Variants in TCF7L1 observed in about 807,000 individuals in gnomAD.
TCF7L1 encodes transcription factor 7-like 1.
TCF7L1 carries 18 observed loss-of-function variants against 63.7 expected under a neutral mutation model. That is an observed-to-expected ratio of 0.28 (90% CI 0.20 to 0.42). TCF7L1 has a LOEUF of 0.42. Among genes scored for constraint, TCF7L1 ranks in the 10% least tolerant of loss-of-function variants. The pLI is 1.00. For synonymous variants in TCF7L1, 355 were observed against 340.9 expected (o/e 1.04, Z -0.46); for missense variants, 654 against 779.3 (o/e 0.84, Z 1.91).
At chr2:85,202,153 G>A (rs1277380754) in intron 3 of TCF7L1, among the ~76,000 whole-genome samples, 1 of 151,912 alleles carries the variant, frequency 6.6e-6, no homozygotes, top group Non-Finnish European at 1.5e-5. Flanking sequence ...TAGTAGAGAT[G>A]GGGTTTCACC....
chr2:85,163,465 C>T (rs1466332508), intron 3 of TCF7L1, among the ~76,000 whole-genome samples: 2 of 152,110 alleles, frequency 1.3e-5, no homozygotes, highest in Admixed American at 6.5e-5. Flanking sequence ...CCCTCCTGCC[C>T]GACCAGAAGC....
Position 85,229,085 on chromosome 2 carries a change from G to T in TCF7L1, c.442-54410G>T, listed in dbSNP as rs112064117. On this transcript the variant is annotated intron_variant, in intron 3 of 11. Transcript: ENST00000282111. ...CCTTGGGCCAGGCGCGGTGGCTCACGCCTGTAATCCCAGCACTTTGGGAGG... is the reference window on the plus strand; with the variant it reads ...CCTTGGGCCAGGCGCGGTGGCTCACTCCTGTAATCCCAGCACTTTGGGAGG... Among the ~76,000 whole-genome samples, 484 of 150,928 alleles carry T rather than the reference G, an allele frequency of 3.2e-3. 4 individuals carry two copies. The highest frequency in any genetic ancestry group is 0.011 in the African/African-American group (467 of 40,966).
At chr2:85,168,378 G>A (rs115434695) in intron 3 of TCF7L1, among the ~76,000 whole-genome samples, 2,273 of 152,100 alleles carry the variant, frequency 0.015, 65 homozygotes, top group African/African-American at 0.048. Context: ...CAACAAAATT[G>A]TAAAAAACAA....
chr2:85,257,500 G>A (rs1379222029), intron 3 of TCF7L1, among the ~76,000 whole-genome samples: 1 of 152,172 alleles, frequency 6.6e-6, no homozygotes, highest in Non-Finnish European at 1.5e-5. Context: ...CCCCACCCAA[G>A]TTTGCCACTT....
chr2:85,298,837 A>G (rs1681895055), intron 4 of TCF7L1, among the ~76,000 whole-genome samples: 1 of 151,960 alleles, frequency 6.6e-6, no homozygotes, highest in Non-Finnish European at 1.5e-5. Flanking sequence ...GGGGCAGCTG[A>G]GGAGAGTAAT....
intron 3 of TCF7L1, among the ~76,000 whole-genome samples, chr2:85,168,552 G>T (rs531272941): frequency 6.6e-6 from 1 of 151,958 alleles, no homozygotes. Flanking sequence ...TCCACCCACC[G>T]CCTGGTAGAG....
At chr2:85,278,179 G>A (rs1239207370) in intron 3 of TCF7L1, among the ~76,000 whole-genome samples, 1 of 152,190 alleles carries the variant, frequency 6.6e-6, no homozygotes, top group Non-Finnish European at 1.5e-5. Context: ...TCTAGTGACA[G>A]CATCCTTCAG....
chr2:85,167,825 C>T (rs1678456307), intron 3 of TCF7L1, among the ~76,000 whole-genome samples: 1 of 152,146 alleles, frequency 6.6e-6, no homozygotes, highest in Non-Finnish European at 1.5e-5. Flanking sequence ...GATCCCACCA[C>T]TGTACTCCAG....
At chr2:85,215,856 G>A (rs913648638) in intron 3 of TCF7L1, among the ~76,000 whole-genome samples, 4 of 152,024 alleles carry the variant, frequency 2.6e-5, no homozygotes, top group Admixed American at 2.6e-4. Context: ...TTAAGGCCCT[G>A]TATACATTTC....
At chr2:85,298,893 CT>C (rs1480648836) in intron 4 of TCF7L1, among the ~76,000 whole-genome samples, 2 of 152,014 alleles carry the variant, frequency 1.3e-5, no homozygotes, top group Non-Finnish European at 2.9e-5. Context: ...GAGAACCTTC[CT>C]TCTAGGAGGC....
chr2:85,269,784 A>G (rs1242435124), intron 3 of TCF7L1, among the ~76,000 whole-genome samples: 3 of 152,210 alleles, frequency 2.0e-5, no homozygotes, highest in African/African-American at 7.2e-5. Flanking sequence ...CAATATGGAC[A>G]TAAAATCGTG....
chr2:85,140,093 G>A (rs1677688370), intron 3 of TCF7L1, among the ~76,000 whole-genome samples: 3 of 152,132 alleles, frequency 2.0e-5, no homozygotes, highest in Admixed American at 6.6e-5. Flanking sequence ...CTTTGGGGAG[G>A]GGAGGTACCA....
intron 3 of TCF7L1, among the ~76,000 whole-genome samples, chr2:85,260,504 G>A (rs1446195724): frequency 6.6e-6 from 1 of 151,986 alleles, no homozygotes; most frequent in Admixed American, 6.6e-5. Flanking sequence ...AGCAGGGCAT[G>A]GTGGTGCGTG....
intron 3 of TCF7L1, among the ~76,000 whole-genome samples, chr2:85,156,991 T>C (rs1678165492): frequency 6.6e-6 from 1 of 152,238 alleles, no homozygotes; most frequent in African/African-American, 2.4e-5. Flanking sequence ...TTACAATGCA[T>C]AGGATGGTTC....
intron 3 of TCF7L1, among the ~76,000 whole-genome samples, chr2:85,150,150 G>A (rs1677972931): frequency 6.6e-6 from 1 of 151,536 alleles, no homozygotes; most frequent in Admixed American, 6.6e-5. Flanking sequence ...GCTTTAGGAT[G>A]AGTTCAACAT....
At chr2:85,307,578 G>C in intron 10 of TCF7L1, 64 bp from the exon 11 acceptor site, 2 of 1,390,604 alleles carry the variant, frequency 1.4e-6, no homozygotes, top group South Asian at 1.2e-5. Context: ...TCTGATCTGG[G>C]AGCCCCTGAG....
At chr2:85,299,163 A>G (rs765522422) in intron 4 of TCF7L1, among the ~76,000 whole-genome samples, 2 of 151,828 alleles carry the variant, frequency 1.3e-5, no homozygotes, top group Non-Finnish European at 2.9e-5. Flanking sequence ...GTTTCTCCCC[A>G]GGCCAAATAC....
chr2:85,234,175 C>T (rs1487467626), intron 3 of TCF7L1, among the ~76,000 whole-genome samples: 4 of 114,056 alleles, frequency 3.5e-5, no homozygotes, highest in South Asian at 3.1e-4. Context: ...CTCGCTCTTT[C>T]GCCAGGCTGG....
intron 4 of TCF7L1, among the ~76,000 whole-genome samples, chr2:85,291,194 C>T (rs1274643815): frequency 6.6e-6 from 1 of 152,214 alleles, no homozygotes; most frequent in African/African-American, 2.4e-5. Context: ...CACACCTTCT[C>T]ATTTTTTTGC....
Sources: gnomAD v4.1 joint callset for allele counts (sites outside exome capture counted in the v4.1 genomes callset) on GRCh38, gnomAD v4.1.1 for gene constraint, MANE v1.5 for transcripts, NCBI Gene and HGNC (gene_info 2026-07-23, HGNC 2026-07-21) for gene names.